The following CPEB2 variants were observed in gnomAD, a reference collection of about 807,000 sequenced individuals.
CPEB2 encodes the protein cytoplasmic polyadenylation element binding protein 2.
CPEB2 carries 56 observed loss-of-function variants against 93.6 expected under a neutral mutation model. The observed-to-expected ratio is 0.60, with a 90% CI of 0.48 to 0.75. The LOEUF (loss-of-function observed/expected upper bound fraction) is 0.75, where lower values mean the gene tolerates loss of function less well. Among genes scored for constraint, CPEB2 ranks in the 30% least tolerant of loss-of-function variants. The pLI, the probability that CPEB2 is intolerant of heterozygous loss-of-function variation, is 0.00. For synonymous variants in CPEB2, 764 were observed against 586.3 expected (o/e 1.30, Z -4.38); for missense variants, 1,579 against 1,395.1 (o/e 1.13, Z -2.10).
chr4:15,019,556 T>G (rs879616286), intron 4 of CPEB2, among the ~76,000 whole-genome samples: 3 of 152,052 alleles, frequency 2.0e-5, no homozygotes, highest in Non-Finnish European at 2.9e-5. Context: ...CTGTCTCATC[T>G]CTTGTCTCTT....
At chr4:15,045,745 G>A (rs1206547452) in intron 6 of CPEB2, among the ~76,000 whole-genome samples, 1 of 151,972 alleles carries the variant, frequency 6.6e-6, no homozygotes, top group Non-Finnish European at 1.5e-5. Context: ...TTATTTATCT[G>A]GTGAAATAAA....
At chr4:15,058,618 A>C in intron 9 of CPEB2, 79 bp downstream of exon 9, 1 of 805,946 alleles carries the variant, frequency 1.2e-6, no homozygotes, top group Non-Finnish European at 2.1e-6. Flanking sequence ...TTAATTAATA[A>C]AAGAACAATT....
chr4:15,012,149 A>G (rs912435810), intron 3 of CPEB2, among the ~76,000 whole-genome samples: 5 of 152,256 alleles, frequency 3.3e-5, no homozygotes. Flanking sequence ...AACTTCAGGG[A>G]CATTCATAGT....
intron 7 of CPEB2, among the ~76,000 whole-genome samples, chr4:15,052,794 T>C (rs1030345060): frequency 2.0e-5 from 3 of 152,110 alleles, no homozygotes; most frequent in African/African-American, 7.2e-5. Flanking sequence ...TTAGATCTTA[T>C]CATATTTGTA....
chr4:15,003,043 G>A lies in CPEB2; in HGVS notation c.370G>A (p.Gly124Ser), dbSNP rs1371923730. ...GGAGAAACTCCCCGACCACCACCCC[G>A]GCGGCGGCACGATCGCGGGTGTGAC... is the stretch of plus-strand genomic sequence containing the variant. The part of the protein sequence containing the change: ...ATEKLPDHHP[G>S]GGTIAGVTHL... The change falls in exon 1 of 12, where the codon GGC becomes AGC. Residue 124 changes from glycine to serine, a missense_variant. Physicochemically the swap from Gly to Ser is moderately conservative, Grantham distance 56. Transcript: ENST00000538197. 15 of 1,510,310 alleles carry A rather than the reference G, an allele frequency of 9.9e-6. No homozygotes were observed. Among genetic ancestry groups the A allele is most frequent in the African/African-American group, 1.4e-5 (1 of 70,708 alleles). The allele number at this position is 1,510,310 out of a possible 1,614,324, so 93.6% of individuals were successfully genotyped here. A position where few individuals can be genotyped will look rare whatever the true frequency, so the allele number is the denominator to read the frequency against.
rs1729946223 is a variant in CPEB2, at chr4:15,069,642, ATAT to A, written c.*3267_*3269del. The stretch of plus-strand genomic sequence containing the variant: ...ATAATTTTTCATATTCTTGTCATTA[ATAT>A]TATTTTGTATTTTTATGTGGAAATA... On this transcript the variant is annotated 3_prime_UTR_variant, in exon 12 of 12. Transcript: ENST00000538197. 1 of 151,922 alleles carries A rather than the reference ATAT, an allele frequency of 6.6e-6. No individual in the cohort carries two copies. Among genetic ancestry groups the A allele is most frequent in the Non-Finnish European group, 1.5e-5 (1 of 67,786 alleles). 9.4% of individuals were successfully genotyped at this position (151,922 alleles called of 1,614,324 possible). A position where few individuals can be genotyped will look rare whatever the true frequency, so the allele number is the denominator to read the frequency against.
In CPEB2 at chr4:15,054,229, T is replaced by TA; in HGVS notation, c.2461+13dup. The TA allele has an allele frequency of 6.3e-7, 1 of 1,579,300 alleles. No homozygotes were observed. Among genetic ancestry groups the TA allele is most frequent in the Non-Finnish European group, 8.7e-7 (1 of 1,153,714 alleles). On this transcript the variant is annotated intron_variant, in intron 8 of 11. Transcript: ENST00000538197. Reference sequence around the variant, plus strand: ...TTTTCCACCAAAAGGTAAGGATTGTTATTGTTAATATTTGCTAGGAAATTG... The same window carrying TA: ...TTTTCCACCAAAAGGTAAGGATTGTTAATTGTTAATATTTGCTAGGAAATTG...
chr4:15,040,368 C>T, intron 5 of CPEB2, 96 bp from the exon 6 acceptor site: 1 of 1,132,630 alleles, frequency 8.8e-7, no homozygotes, highest in Non-Finnish European at 1.3e-6. Flanking sequence ...CACTAATTTT[C>T]AGATGCCCAC....
chr4:15,029,811 A>G (rs1298477812), intron 4 of CPEB2, among the ~76,000 whole-genome samples: 1 of 152,092 alleles, frequency 6.6e-6, no homozygotes, highest in African/African-American at 2.4e-5. Flanking sequence ...ATGGTCTAAT[A>G]TGGTCTCTTC....
intron 6 of CPEB2, among the ~76,000 whole-genome samples, chr4:15,040,859 A>G (rs1727105734): frequency 6.6e-6 from 1 of 152,212 alleles, no homozygotes; most frequent in Non-Finnish European, 1.5e-5. Context: ...TGTCATATTT[A>G]TGATGTATAA....
chr4:15,020,859 T>C (rs555915344), intron 4 of CPEB2, among the ~76,000 whole-genome samples: 1 of 152,172 alleles, frequency 6.6e-6, no homozygotes, highest in South Asian at 2.1e-4. Flanking sequence ...AGAAATACTG[T>C]GGAGGAAGAT....
Position 15,004,208 on chromosome 4 carries a change from C to G in CPEB2, c.1535C>G (p.Pro512Arg). 1 of 1,493,182 alleles carries G rather than the reference C, an allele frequency of 6.7e-7. No individual in the cohort carries two copies. Among genetic ancestry groups the G allele is most frequent in the East Asian group, 2.8e-5 (1 of 35,254 alleles). 92.5% of individuals were successfully genotyped at this position (1,493,182 alleles called of 1,614,324 possible). The part of the protein sequence containing the change: ...PPAMNIPQQQ[P>R]PPPAAPQQPQ... ...GCCATGAATATACCTCAACAGCAGC[C>G]CCCGCCGCCCGCGGCGCCGCAGCAG... Residue 512 changes from proline to arginine, a missense_variant, in exon 1 of 12, where the codon CCC becomes CGC. By Grantham distance (103) the Pro-to-Arg change is moderately radical (BLOSUM62 -2). Transcript: ENST00000538197.
intron 4 of CPEB2, among the ~76,000 whole-genome samples, chr4:15,026,461 C>T (rs1364339855): frequency 1.3e-5 from 2 of 152,130 alleles, no homozygotes; most frequent in East Asian, 1.9e-4. Context: ...CTCCTGACCT[C>T]ATGATCCACC....
intron 11 of CPEB2, among the ~76,000 whole-genome samples, chr4:15,064,834 A>C (rs11930939): frequency 0.054 from 8,178 of 152,178 alleles, 246 homozygotes; most frequent in Non-Finnish European, 0.072. Context: ...AAAAGTTGAG[A>C]GATAAAAATT....
chr4:15,003,870 G>A lies in CPEB2; in HGVS notation c.1197G>A (p.Pro399=), dbSNP rs1722381104. The change falls in exon 1 of 12, where the codon CCG becomes CCA. Residue 399 remains proline (P), a synonymous_variant. Coordinates refer to ENST00000538197, the MANE Select transcript of CPEB2 (RefSeq NM_001177382.2). ...SPPPQPQQPP[P]TQPQQQPPPP... ...CACCCCAGCCCCAGCAGCCGCCGCC[G>A]ACCCAGCCGCAGCAGCAGCCGCCGC... is the stretch of plus-strand genomic sequence containing the variant. 7.1e-6 allele frequency: 6 copies of A among 846,234 alleles called. No individual in the cohort carries two copies. Among genetic ancestry groups the A allele is most frequent in the East Asian group, 1.0e-4 (2 of 19,756 alleles). 52.4% of individuals were successfully genotyped at this position (846,234 alleles called of 1,614,324 possible).
At position 15,003,103 on chromosome 4, in the gene CPEB2, C is replaced by T. The variant is rs1439333393; in HGVS notation, c.430C>T (p.Leu144=). The T allele has an allele frequency of 1.8e-5, 27 of 1,533,782 alleles. No homozygotes were observed. The highest frequency in any genetic ancestry group is 7.2e-5 in the South Asian group (6 of 83,888). ...LLPSQDFKPS[L]HHPSSSSASS... is the part of the protein sequence containing the mutation. ...CCCCTCCCAGGACTTCAAACCGAGTCTGCACCACCCCTCCTCCTCCTCCGC... is the reference window on the plus strand; with the variant it reads ...CCCCTCCCAGGACTTCAAACCGAGTTTGCACCACCCCTCCTCCTCCTCCGC... The change falls in exon 1 of 12, where the codon CTG becomes TTG. Residue 144 remains leucine, a synonymous_variant. Transcript: ENST00000538197.
intron 4 of CPEB2, among the ~76,000 whole-genome samples, chr4:15,018,553 CT>C (rs1724428629): frequency 6.8e-6 from 1 of 147,840 alleles, no homozygotes; most frequent in Non-Finnish European, 1.5e-5. Flanking sequence ...GGGTCTTGGT[CT>C]TTTTCACTGT....
intron 4 of CPEB2, among the ~76,000 whole-genome samples, chr4:15,031,830 T>C (rs1424971758): frequency 1.3e-5 from 2 of 152,182 alleles, no homozygotes; most frequent in African/African-American, 4.8e-5. Flanking sequence ...ATCAAACTCT[T>C]TAATTTCATA....
Position 15,003,857 on chromosome 4 carries a change from A to G in CPEB2, c.1184A>G (p.Gln395Arg). 2 of 845,986 alleles carry G rather than the reference A, an allele frequency of 2.4e-6. No homozygotes were observed. The highest frequency in any genetic ancestry group is 3.1e-6 in the Non-Finnish European group (2 of 640,956). 52.4% of individuals were successfully genotyped at this position (845,986 alleles called of 1,614,324 possible). A position where few individuals can be genotyped will look rare whatever the true frequency, so the allele number is the denominator to read the frequency against. ...VQTASPPPQP[Q>R]QPPPTQPQQQ... is the part of the protein sequence containing the mutation. Reference sequence around the variant, plus strand: ...ACCGCGTCGCCGCCACCCCAGCCCCAGCAGCCGCCGCCGACCCAGCCGCAG... The same window carrying G: ...ACCGCGTCGCCGCCACCCCAGCCCCGGCAGCCGCCGCCGACCCAGCCGCAG... Residue 395 changes from glutamine (Q) to arginine (R), a missense_variant, in exon 1 of 12, where the codon CAG becomes CGG. Physicochemically the swap from Gln to Arg is conservative, Grantham distance 43. Around this residue, in one of 2 missense-constraint regions of CPEB2, gnomAD observed 1,411 missense variants for 1,056.0 expected, o/e 1.34. Transcript: ENST00000538197.
Sources: gnomAD v4.1 joint callset for allele counts (sites outside exome capture counted in the v4.1 genomes callset) on GRCh38, gnomAD v4.1.1 for gene constraint, gnomAD v4.1.1 regional missense constraint, MANE v1.5 for transcripts, NCBI Gene and HGNC (gene_info 2026-07-23, HGNC 2026-07-21) for gene names.